Variants in TOX observed in about 807,000 individuals in gnomAD.
TOX encodes thymocyte selection associated high mobility group box.
Under a neutral mutation model 53.7 loss-of-function variants are expected in TOX, and 11 were observed. The ratio of observed to expected loss-of-function variants is 0.20; its 90% CI spans 0.13 to 0.34. TOX has a LOEUF of 0.34. TOX is among the 10% of genes least tolerant of loss of function. The probability of loss-of-function intolerance (pLI) is 1.00; values close to 1 mark genes in which losing one functional copy is unlikely to be tolerated. For missense variants in TOX, 570 were observed against 664.6 expected, an observed-to-expected ratio of 0.86 and a Z score of 1.56; for synonymous variants, 225 against 245.3, an observed-to-expected ratio of 0.92 and a Z score of 0.77.
chr8:58,880,935 A>C (rs1811373805), intron 3 of TOX, among the ~76,000 whole-genome samples: 1 of 152,206 alleles, frequency 6.6e-6, no homozygotes, highest in Non-Finnish European at 1.5e-5. Flanking sequence ...TAGCCTCTAA[A>C]GAAAACACAT....
intron 7 of TOX, among the ~76,000 whole-genome samples, chr8:58,813,455 C>T (rs1307257553): frequency 6.6e-6 from 1 of 152,170 alleles, no homozygotes; most frequent in African/African-American, 2.4e-5. Flanking sequence ...CACCCTCAAA[C>T]AGGGGCCAAT....
At chr8:58,853,548 G>C (rs1810861358) in intron 3 of TOX, among the ~76,000 whole-genome samples, 1 of 152,122 alleles carries the variant, frequency 6.6e-6, no homozygotes, top group South Asian at 2.1e-4. Flanking sequence ...CAAATGACTT[G>C]ACCAAAACCA....
intron 2 of TOX, among the ~76,000 whole-genome samples, chr8:58,946,702 C>A (rs1812528099): frequency 6.6e-6 from 1 of 152,110 alleles, no homozygotes; most frequent in Non-Finnish European, 1.5e-5. Flanking sequence ...TTTATTTGTG[C>A]TCATTAATTT....
intron 1 of TOX, among the ~76,000 whole-genome samples, chr8:58,963,753 G>GT (rs1417770762): frequency 4.6e-5 from 7 of 152,288 alleles, no homozygotes; most frequent in South Asian, 4.1e-4. Context: ...GCAGCCCTCT[G>GT]TTTCAGGGCA....
At position 58,944,437 on chromosome 8, in the gene TOX, G is replaced by A. The variant is rs200920856; in HGVS notation, c.169-4893C>T. On this transcript the variant is annotated intron_variant, in intron 2 of 8. Transcript: ENST00000361421. ...CTTAAAACCTTAAAATTTGGTAATCGCACATTTAGCTTATAAAGTGCTACA... is the reference window on the plus strand; with the variant it reads ...CTTAAAACCTTAAAATTTGGTAATCACACATTTAGCTTATAAAGTGCTACA... Among the ~76,000 whole-genome samples, 10 of 152,202 alleles carry A rather than the reference G, an allele frequency of 6.6e-5. No individual in the cohort carries two copies. In the East Asian group the frequency reaches 1.5e-3, roughly 23 times the overall value.
intron 3 of TOX, among the ~76,000 whole-genome samples, chr8:58,936,457 G>A (rs1812346514): frequency 6.6e-6 from 1 of 152,024 alleles, no homozygotes; most frequent in Non-Finnish European, 1.5e-5. Context: ...TGTTTTCACT[G>A]TCCAGAAGGA....
chr8:59,074,815 T>A (rs962075269), intron 1 of TOX, among the ~76,000 whole-genome samples: 29 of 151,986 alleles, frequency 1.9e-4, no homozygotes, highest in African/African-American at 7.0e-4. Flanking sequence ...TGTCCAACAC[T>A]CAGACAGCAT....
At chr8:59,115,065 T>C (rs1467300924) in intron 1 of TOX, among the ~76,000 whole-genome samples, 2 of 152,230 alleles carry the variant, frequency 1.3e-5, no homozygotes, top group Non-Finnish European at 2.9e-5. Flanking sequence ...CCACTATTCT[T>C]CACTCTGTAT....
chr8:59,044,896 G>A (rs897426128), intron 1 of TOX, among the ~76,000 whole-genome samples: 1 of 152,078 alleles, frequency 6.6e-6, no homozygotes, highest in Non-Finnish European at 1.5e-5. Context: ...ATGAATAATC[G>A]GCTACACACA....
intron 1 of TOX, among the ~76,000 whole-genome samples, chr8:58,983,225 CATCATTGTGTAG>C (rs1331827156): frequency 3.3e-5 from 5 of 152,228 alleles, no homozygotes; most frequent in Non-Finnish European, 7.3e-5. Context: ...CCTATACACA[CATCATTGTGTAG>C]AATGGTGGTT....
intron 1 of TOX, among the ~76,000 whole-genome samples, chr8:59,025,142 C>T (rs907655519): frequency 2.6e-5 from 4 of 152,140 alleles, no homozygotes; most frequent in Non-Finnish European, 5.9e-5. Flanking sequence ...CCTAGTACTG[C>T]AGCCTTGGGC....
chr8:59,093,855 T>G (rs1586015745), intron 1 of TOX, among the ~76,000 whole-genome samples: 1 of 152,212 alleles, frequency 6.6e-6, no homozygotes, highest in East Asian at 1.9e-4. Flanking sequence ...TTTACTGGCA[T>G]GTTGGTAAAT....
At chr8:58,958,335 C>T (rs1290281525) in intron 2 of TOX, among the ~76,000 whole-genome samples, 1 of 152,146 alleles carries the variant, frequency 6.6e-6, no homozygotes, top group African/African-American at 2.4e-5. Flanking sequence ...AATCCTTTAT[C>T]CAAAACTCTT....
chr8:59,115,385 G>A (rs556600507), intron 1 of TOX, among the ~76,000 whole-genome samples: 4 of 152,114 alleles, frequency 2.6e-5, no homozygotes, highest in African/African-American at 4.8e-5. Flanking sequence ...TGGAAATGAC[G>A]CTGCACTAAG....
chr8:58,952,416 C>G (rs1812636050), intron 2 of TOX, among the ~76,000 whole-genome samples: 1 of 152,206 alleles, frequency 6.6e-6, no homozygotes, highest in Admixed American at 6.5e-5. Flanking sequence ...AAGAATACAA[C>G]ATGTTATAAT....
intron 3 of TOX, among the ~76,000 whole-genome samples, chr8:58,885,543 G>T (rs899257142): frequency 6.6e-6 from 1 of 152,040 alleles, no homozygotes. Context: ...AAAGAGTTTT[G>T]CTATGTTAGT....
At chr8:58,869,726 TA>T (rs1386243523) in intron 3 of TOX, among the ~76,000 whole-genome samples, 1 of 152,160 alleles carries the variant, frequency 6.6e-6, no homozygotes, top group Non-Finnish European at 1.5e-5. Context: ...TATACAAGGT[TA>T]AAGTTCAACA....
chr8:58,894,691 C>G (rs188106675), intron 3 of TOX, among the ~76,000 whole-genome samples: 1 of 150,748 alleles, frequency 6.6e-6, no homozygotes, highest in African/African-American at 2.4e-5. Context: ...GTCAGCAGTT[C>G]GAGACCAGCC....
intron 1 of TOX, among the ~76,000 whole-genome samples, chr8:59,083,398 A>T (rs1001449211): frequency 6.6e-6 from 1 of 152,216 alleles, no homozygotes; most frequent in African/African-American, 2.4e-5. Context: ...CAATCAAATA[A>T]TATTTTAAGA....
Sources: gnomAD v4.1 joint callset for allele counts (sites outside exome capture counted in the v4.1 genomes callset) on GRCh38, gnomAD v4.1.1 for gene constraint, MANE v1.5 for transcripts, NCBI Gene and HGNC (gene_info 2026-07-23, HGNC 2026-07-21) for gene names.